Variants in LHX2 observed in about 807,000 individuals in gnomAD.
LHX2 encodes the protein LIM homeobox 2, also known as LIM/homeobox protein Lhx2.
LHX2 carries 6 observed loss-of-function variants against 33.0 expected under a neutral mutation model. The observed-to-expected ratio is 0.18, with a 90% confidence interval of 0.10 to 0.36. LHX2 has a LOEUF of 0.36. Among genes scored for constraint, LHX2 ranks in the 10% least tolerant of loss-of-function variants. LHX2 has a pLI of 1.00. For synonymous variants in LHX2, 292 were observed against 253.1 expected (o/e 1.15, Z -1.46); for missense variants, 442 against 586.2 (o/e 0.75, Z 2.54).
chr9:124,012,403 G>C lies in LHX2; in HGVS notation c.55G>C (p.Asp19His). The C allele has an allele frequency of 6.5e-7, 1 of 1,535,106 alleles. No individual in the cohort carries two copies. The highest frequency in any genetic ancestry group is 8.7e-7 in the Non-Finnish European group (1 of 1,145,924). The change falls in exon 1 of 5, where the codon GAC (aspartate) becomes CAC (histidine). Residue 19 changes from aspartate to histidine, a missense_variant. Asp to His is a moderately conservative substitution (Grantham distance 81). This residue lies in a region of LHX2 where 97 missense variants were observed against 81.5 expected (regional missense o/e 1.19). Transcript: ENST00000373615. The surrounding 1 kb of genome is among the most constrained non-coding windows in gnomAD (Gnocchi z 4.3). Reference sequence around the variant, plus strand: ...GGTGCACGGGGTCATCGACGAGATGGACCGCAGGGCCAAGAGCGAGGCTCC... The same window carrying C: ...GGTGCACGGGGTCATCGACGAGATGCACCGCAGGGCCAAGAGCGAGGCTCC... The part of the protein sequence containing the change: ...PEVHGVIDEM[D>H]RRAKSEAPAI...
chr9:124,031,413 G>T (rs1397860167), intron 4 of LHX2, among the ~76,000 whole-genome samples: 1 of 151,920 alleles, frequency 6.6e-6, no homozygotes, highest in Non-Finnish European at 1.5e-5. Flanking sequence ...GAACTTGTGG[G>T]GTTTATTGTC....
chr9:124,017,707 T>C (rs1403457865), intron 3 of LHX2, among the ~76,000 whole-genome samples: 3 of 151,908 alleles, frequency 2.0e-5, no homozygotes, highest in Non-Finnish European at 2.9e-5. Flanking sequence ...CGGCGGCACC[T>C]TACTGAAGGG....
In LHX2 at chr9:124,015,350, C is replaced by A; in HGVS notation, c.552C>A (p.Ala184=). The change falls in exon 3 of 5, where the codon GCC becomes GCA. Residue 184 remains alanine (A), a synonymous_variant. Coordinates refer to ENST00000373615, the MANE Select transcript of LHX2 (RefSeq NM_004789.4). This position sits in a 1 kb window ranked among gnomAD's most constrained non-coding sequence, Gnocchi z 7.9. ...AGTACCCCGCACACTTCAACCATGC[C>A]GACGTGGCAGCGGCGGCCGCTGCAG... The part of the protein sequence containing the change: ...QGEYPAHFNH[A]DVAAAAAAAA... The A allele has an allele frequency of 6.2e-7, 1 of 1,611,672 alleles. No homozygotes were observed. The highest frequency in any genetic ancestry group is 1.7e-4 in the Middle Eastern group (1 of 6,056).
intron 1 of LHX2, 32 bp from the exon 2 acceptor site, chr9:124,013,929 C>T (rs1191138342): frequency 1.3e-6 from 2 of 1,597,390 alleles, no homozygotes; most frequent in East Asian, 2.2e-5. Context: ...CTGACGCAGG[C>T]GCTGCTGTCT....
Position 124,032,841 on chromosome 9 carries a change from A to G in LHX2, c.*134A>G. 6.9e-6 allele frequency: 7 copies of G among 1,018,604 alleles called. No homozygotes were observed. The highest frequency in any genetic ancestry group is 3.7e-5 in the South Asian group (2 of 53,492). The allele number at this position is 1,018,604 out of a possible 1,614,324, so 63.1% of individuals were successfully genotyped here. ...TAGGATCTCGCCTGGAAACAGAGGT[A>G]AAAAAAAGAAGTGTGCGCCCGGCTA... is the stretch of plus-strand genomic sequence containing the variant. On this transcript the variant is annotated 3_prime_UTR_variant, in exon 5 of 5. Coordinates refer to ENST00000373615, the MANE Select transcript of LHX2 (RefSeq NM_004789.4). The surrounding 1 kb of genome is among the most constrained non-coding windows in gnomAD (Gnocchi z 4.1).
intron 3 of LHX2, among the ~76,000 whole-genome samples, chr9:124,018,947 C>T (rs1047013143): frequency 4.6e-5 from 7 of 152,220 alleles, no homozygotes; most frequent in Non-Finnish European, 8.8e-5. Flanking sequence ...GGGGTCCCCA[C>T]GGAGCTCATT....
At position 124,015,051 on chromosome 9, in the gene LHX2, G is replaced by T; in HGVS notation, c.324-71G>T. On this transcript the variant is annotated intron_variant, in intron 2 of 4. Coordinates refer to ENST00000373615, the MANE Select transcript of LHX2 (RefSeq NM_004789.4). The surrounding 1 kb of genome is among the most constrained non-coding windows in gnomAD (Gnocchi z 7.9). ...GGGATTGCCCCCCGCAGCAGCAGCG[G>T]CACCTGGAGGAGGAAAAGGGGGGTA... The T allele has an allele frequency of 6.4e-7, 1 of 1,559,320 alleles. No individual in the cohort carries two copies. Among genetic ancestry groups the T allele is most frequent in the Middle Eastern group, 1.7e-4 (1 of 5,886 alleles).
intron 4 of LHX2, among the ~76,000 whole-genome samples, chr9:124,026,848 G>A (rs370117122): frequency 5.9e-5 from 9 of 152,354 alleles, no homozygotes; most frequent in Middle Eastern, 6.8e-3. Flanking sequence ...GAAGGAGGTA[G>A]TCAGGGAAGG....
chr9:124,015,641 G>A lies in LHX2; in HGVS notation c.727+116G>A, dbSNP rs1425878674. 6.7e-6 allele frequency: 8 copies of A among 1,188,632 alleles called. No individual in the cohort carries two copies. Among genetic ancestry groups the A allele is most frequent in the South Asian group, 1.7e-5 (1 of 57,760 alleles). 73.6% of individuals were successfully genotyped at this position (1,188,632 alleles called of 1,614,324 possible). On this transcript the variant is annotated intron_variant, in intron 3 of 4. Coordinates refer to ENST00000373615, the MANE Select transcript of LHX2 (RefSeq NM_004789.4). The surrounding 1 kb of genome is among the most constrained non-coding windows in gnomAD (Gnocchi z 7.9). ...GGGCAAATAGCGAGCCTTAAGCACC[G>A]GACGGCCTCGCAGAAGGGACATTAG...
rs1001401446 is a variant in LHX2 at position 124,012,456 on chromosome 9, C to T, written c.108C>T (p.Gly36=). Residue 36 remains glycine (G), a synonymous_variant, in exon 1 of 5, where the codon GGC becomes GGT. Coordinates refer to ENST00000373615, the MANE Select transcript of LHX2 (RefSeq NM_004789.4). The surrounding 1 kb of genome is among the most constrained non-coding windows in gnomAD (Gnocchi z 4.3). ...CCATCAGCTCCGCCATCGACCGCGG[C>T]GACACCGAGACGGTAGGCGCGCGGC... The part of the protein sequence containing the change: ...APAISSAIDR[G]DTETTMPSIS... 12 of 1,521,516 alleles carry T rather than the reference C, an allele frequency of 7.9e-6. No homozygotes were observed. The Admixed American group carries it at 1.2e-4, about 15-fold the overall frequency. 94.3% of individuals were successfully genotyped at this position (1,521,516 alleles called of 1,614,324 possible). A position where few individuals can be genotyped will look rare whatever the true frequency, so the allele number is the denominator to read the frequency against.
At position 124,032,579 on chromosome 9, in the gene LHX2, AC is replaced by A; in HGVS notation, c.1095del (p.Thr366ProfsTer2). ...CTCGCTCAGCCCCTCCAGCACGCCC[AC>A]CACCCTGACAGACTTGACTAGCCCC... is the stretch of plus-strand genomic sequence containing the variant. The part of the protein sequence containing the change: ...NASLSPSSTP[T>X]TLTDLTSPTL... On this transcript the variant is annotated frameshift_variant, in exon 5 of 5. Transcript: ENST00000373615. LOFTEE classifies it high-confidence loss of function. This position sits in a 1 kb window ranked among gnomAD's most constrained non-coding sequence, Gnocchi z 4.1. 1 of 1,614,056 alleles carries A rather than the reference AC, an allele frequency of 6.2e-7. No homozygotes were observed. Among genetic ancestry groups the A allele is most frequent in the Non-Finnish European group, 8.5e-7 (1 of 1,179,998 alleles).
At position 124,015,964 on chromosome 9, in the gene LHX2, G is replaced by A. The variant is rs907183001; in HGVS notation, c.727+439G>A. On this transcript the variant is annotated intron_variant, in intron 3 of 4. Coordinates refer to ENST00000373615, the MANE Select transcript of LHX2 (RefSeq NM_004789.4). The surrounding 1 kb of genome is among the most constrained non-coding windows in gnomAD (Gnocchi z 7.9). ...AGAGAAAGGGCTGGCTGTGGCCCGG[G>A]GCGCCGAGCTCGGCCTGGAGTGCGG... 1.4e-4 allele frequency among the ~76,000 whole-genome samples: 22 copies of A among 152,238 alleles called. No homozygotes were observed. Among genetic ancestry groups the A allele is most frequent in the Admixed American group, 5.2e-4 (8 of 15,294 alleles).
rs532587351 is a variant in LHX2 at position 124,013,968 on chromosome 9, C to T, written c.128C>T (p.Pro43Leu). ...IDRGDTETTM[P>L]SISSDRAALC... The stretch of plus-strand genomic sequence containing the variant: ...GCCTCCCTCCCTTCGCAGACCATGC[C>T]GTCCATCAGCAGTGACCGCGCCGCG... Residue 43 changes from proline (P) to leucine (L), a missense_variant, in exon 2 of 5, where the codon CCG (proline) becomes CTG (leucine). By Grantham distance (98) the Pro-to-Leu change is moderately conservative. Transcript: ENST00000373615. 3.7e-6 allele frequency: 6 copies of T among 1,612,356 alleles called. No individual in the cohort carries two copies. The highest frequency in any genetic ancestry group is 5.1e-6 in the Non-Finnish European group (6 of 1,179,592).
chr9:124,023,213 G>A (rs1859324815), intron 4 of LHX2, among the ~76,000 whole-genome samples: 1 of 152,162 alleles, frequency 6.6e-6, no homozygotes, highest in Admixed American at 6.5e-5. Flanking sequence ...TCTGTGGCAG[G>A]GATGTCCAAT....
chr9:124,013,519 C>T (rs958974102), intron 1 of LHX2, among the ~76,000 whole-genome samples: 1 of 152,236 alleles, frequency 6.6e-6, no homozygotes, highest in African/African-American at 2.4e-5. Flanking sequence ...TCCGCTGTCT[C>T]TCCAAAGAGG....
At chr9:124,023,990 C>A (rs1327320305) in intron 4 of LHX2, among the ~76,000 whole-genome samples, 1 of 152,228 alleles carries the variant, frequency 6.6e-6, no homozygotes, top group Non-Finnish European at 1.5e-5. Flanking sequence ...CCCAAATGAT[C>A]TCCACTTGCC....
chr9:124,021,130 C>T lies in LHX2; in HGVS notation c.759C>T (p.His253=). 1 of 1,614,150 alleles carries T rather than the reference C, an allele frequency of 6.2e-7. No homozygotes were observed. Among genetic ancestry groups the T allele is most frequent in the Non-Finnish European group, 8.5e-7 (1 of 1,180,044 alleles). The change falls in exon 4 of 5, where the codon CAC becomes CAT. Residue 253 remains histidine (H), a synonymous_variant. Transcript: ENST00000373615. ...GCTGCAACGAAAACGACGCAGAGCA[C>T]CTGGACCGTGACCAGCCATACCCGA... is the stretch of plus-strand genomic sequence containing the variant. ...ALSCNENDAE[H]LDRDQPYPSS... is the part of the protein sequence containing the mutation.
At chr9:124,021,680 C>G (rs1035275146) in intron 4 of LHX2, 1 of 184,222 alleles carries the variant, frequency 5.4e-6, no homozygotes, top group African/African-American at 2.4e-5. Context: ...TCAGATAAAT[C>G]TAGAGGCCGC....
Position 124,021,247 on chromosome 9 carries a change from C to A in LHX2, c.876C>A (p.Asp292Glu), listed in dbSNP as rs767627020. 1.9e-6 allele frequency: 3 copies of A among 1,614,188 alleles called. No individual in the cohort carries two copies. Among genetic ancestry groups the A allele is most frequent in the Non-Finnish European group, 2.5e-6 (3 of 1,180,044 alleles). Residue 292 changes from aspartate (D) to glutamate (E), a missense_variant, in exon 4 of 5, where the codon GAC becomes GAA. By Grantham distance (45) the Asp-to-Glu change is conservative. Around this residue, in one of 5 missense-constraint regions of LHX2, gnomAD observed 32 missense variants for 95.3 expected, o/e 0.34. Transcript: ENST00000373615. Reference sequence around the variant, plus strand: ...ACTTTGCCATTAACCACAACCCCGACGCCAAGGACTTGAAGCAGCTCGCGC... The same window carrying A: ...ACTTTGCCATTAACCACAACCCCGAAGCCAAGGACTTGAAGCAGCTCGCGC... Reference protein sequence around the residue: ...KSYFAINHNPDAKDLKQLAQK... With the variant: ...KSYFAINHNPEAKDLKQLAQK...
Sources: allele counts gnomAD v4.1 joint callset (sites outside exome capture counted in the v4.1 genomes callset), GRCh38; gene constraint gnomAD v4.1.1; regional missense constraint gnomAD v4.1.1; non-coding constraint Gnocchi (gnomAD v3.1); transcripts MANE v1.5; gene names NCBI Gene and HGNC (gene_info 2026-07-23, HGNC 2026-07-21).